The following CEP112 variants were observed in gnomAD, a reference collection of about 807,000 sequenced individuals.
CEP112 encodes the protein centrosomal protein of 112 kDa.
In CEP112, 127 loss-of-function variants were observed where a neutral mutation model predicts 153.0. The observed-to-expected ratio is 0.83, with a 90% CI of 0.72 to 0.96. The LOEUF (loss-of-function observed/expected upper bound fraction) is 0.96. Ranked by LOEUF, CEP112 falls within the 40% of genes least tolerant of loss-of-function variation. The pLI is 0.00. For missense variants in CEP112, 1,089 were observed against 1,101.2 expected, an observed-to-expected ratio of 0.99 and a Z score of 0.16; for synonymous variants, 358 against 374.4, an observed-to-expected ratio of 0.96 and a Z score of 0.51.
At chr17:65,969,772 CAT>C (rs1250757139) in intron 17 of CEP112, among the ~76,000 whole-genome samples, 3 of 152,154 alleles carry the variant, frequency 2.0e-5, no homozygotes, top group Non-Finnish European at 4.4e-5. Context: ...ATGTAAATCA[CAT>C]AGATGCATAT....
At chr17:66,011,371 C>T (rs553846688) in intron 16 of CEP112, among the ~76,000 whole-genome samples, 1 of 152,222 alleles carries the variant, frequency 6.6e-6, no homozygotes, top group South Asian at 2.1e-4. Flanking sequence ...GCATTATGAA[C>T]TTCACTCTTA....
chr17:65,677,559 A>C (rs2047294419), intron 24 of CEP112, among the ~76,000 whole-genome samples: 1 of 152,190 alleles, frequency 6.6e-6, no homozygotes, highest in Non-Finnish European at 1.5e-5. Context: ...GTTGCATTGA[A>C]AAATCAACTT....
At chr17:66,010,540 T>C (rs907480831) in intron 16 of CEP112, among the ~76,000 whole-genome samples, 3 of 152,174 alleles carry the variant, frequency 2.0e-5, no homozygotes, top group Non-Finnish European at 4.4e-5. Context: ...TTGCTGAGGT[T>C]TTCAAAGGTA....
chr17:65,785,766 T>C (rs1006170220), intron 21 of CEP112, among the ~76,000 whole-genome samples: 7 of 152,210 alleles, frequency 4.6e-5, no homozygotes, highest in African/African-American at 1.7e-4. Flanking sequence ...TTCTCTGATA[T>C]TGCTTTTTTC....
At chr17:65,799,524 T>G (rs2055135550) in intron 21 of CEP112, among the ~76,000 whole-genome samples, 1 of 152,122 alleles carries the variant, frequency 6.6e-6, no homozygotes, top group Admixed American at 6.6e-5. Flanking sequence ...ATAAAATGAA[T>G]AGAAGTCCAG....
At chr17:65,854,777 T>C (rs935910487) in intron 20 of CEP112, among the ~76,000 whole-genome samples, 2 of 152,230 alleles carry the variant, frequency 1.3e-5, no homozygotes, top group African/African-American at 4.8e-5. Context: ...TAATCAGCTG[T>C]GGATCAATTG....
intron 4 of CEP112, among the ~76,000 whole-genome samples, chr17:66,140,801 C>T (rs990637847): frequency 2.6e-5 from 4 of 151,968 alleles, no homozygotes; most frequent in African/African-American, 9.7e-5. Flanking sequence ...CCACGCCTGG[C>T]TAATTTTTTT....
At chr17:66,049,558 T>C (rs183308102) in intron 12 of CEP112, among the ~76,000 whole-genome samples, 158 of 152,298 alleles carry the variant, frequency 1.0e-3, no homozygotes, top group Admixed American at 2.4e-3. Flanking sequence ...GAGACCAGCC[T>C]GGCCAACATG....
At chr17:65,775,326 C>A (rs2053615122) in intron 21 of CEP112, among the ~76,000 whole-genome samples, 1 of 152,042 alleles carries the variant, frequency 6.6e-6, no homozygotes, top group Non-Finnish European at 1.5e-5. Flanking sequence ...ATGGCAGAGA[C>A]AATGTCCTCA....
rs117319778 is a variant in CEP112 at position 65,930,053 on chromosome 17, T to G, written c.1873-2364A>C. ...CATTTGGGTATAACTTAAGACAATATTTTTTGTCTGAGGCAATTACCAGCT... is the reference window on the plus strand; with the variant it reads ...CATTTGGGTATAACTTAAGACAATAGTTTTTGTCTGAGGCAATTACCAGCT... On this transcript the variant is annotated intron_variant, in intron 18 of 26. Coordinates refer to ENST00000535342, the MANE Select transcript of CEP112 (RefSeq NM_001199165.4). Among the ~76,000 whole-genome samples, 894 of 150,874 alleles carry G rather than the reference T, an allele frequency of 5.9e-3. 8 individuals carry two copies. The highest frequency in any genetic ancestry group is 6.3e-3 in the Non-Finnish European group (430 of 68,020).
At chr17:66,011,186 G>A (rs889095644) in intron 16 of CEP112, among the ~76,000 whole-genome samples, 4 of 151,938 alleles carry the variant, frequency 2.6e-5, no homozygotes, top group Non-Finnish European at 5.9e-5. Flanking sequence ...TTCAGTATTG[G>A]GAAGTATTCT....
At chr17:65,817,064 G>A (rs1277891386) in intron 21 of CEP112, among the ~76,000 whole-genome samples, 2 of 151,832 alleles carry the variant, frequency 1.3e-5, no homozygotes, top group African/African-American at 2.4e-5. Flanking sequence ...AAACTAAAAT[G>A]TTACATACCT....
intron 23 of CEP112, among the ~76,000 whole-genome samples, chr17:65,702,179 C>T (rs774320876): frequency 3.3e-5 from 5 of 152,072 alleles, no homozygotes; most frequent in Non-Finnish European, 7.4e-5. Flanking sequence ...CCTGGCCTAA[C>T]TTCTATTTGA....
intron 8 of CEP112, among the ~76,000 whole-genome samples, chr17:66,087,114 G>A (rs930067250): frequency 1.3e-5 from 2 of 152,122 alleles, no homozygotes; most frequent in African/African-American, 4.8e-5. Flanking sequence ...TCTCAATGAT[G>A]CCTCAAATAT....
intron 6 of CEP112, among the ~76,000 whole-genome samples, chr17:66,111,664 A>C (rs1407254572): frequency 1.3e-5 from 2 of 152,148 alleles, no homozygotes; most frequent in Non-Finnish European, 2.9e-5. Context: ...TGACAAGAAC[A>C]TAAGAACACT....
intron 21 of CEP112, among the ~76,000 whole-genome samples, chr17:65,779,542 T>C (rs1048954303): frequency 5.3e-5 from 8 of 152,216 alleles, no homozygotes; most frequent in African/African-American, 1.9e-4. Context: ...TCCTTTTTCA[T>C]CATTACATAT....
chr17:65,995,338 C>T (rs2063746381), intron 17 of CEP112, among the ~76,000 whole-genome samples: 1 of 152,022 alleles, frequency 6.6e-6, no homozygotes, highest in African/African-American at 2.4e-5. Flanking sequence ...TACAGAAGTG[C>T]TCATTTCAAA....
chr17:65,906,511 C>T (rs1000721153), intron 19 of CEP112, among the ~76,000 whole-genome samples: 11 of 152,066 alleles, frequency 7.2e-5, no homozygotes, highest in African/African-American at 2.7e-4. Flanking sequence ...AACTCTTGAA[C>T]ATATACACTT....
At chr17:66,021,643 T>C (rs1182955880) in intron 16 of CEP112, among the ~76,000 whole-genome samples, 2 of 152,148 alleles carry the variant, frequency 1.3e-5, no homozygotes, top group African/African-American at 4.8e-5. Flanking sequence ...TGCAGAGAAC[T>C]TGGTGCAGCA....
Sources: gnomAD v4.1 joint callset for allele counts (sites outside exome capture counted in the v4.1 genomes callset) on GRCh38, gnomAD v4.1.1 for gene constraint, MANE v1.5 for transcripts, NCBI Gene and HGNC (gene_info 2026-07-23, HGNC 2026-07-21) for gene names.